Variants in ARFGAP3 observed in about 807,000 individuals in gnomAD.
The protein encoded by ARFGAP3 is ARF GTPase activating protein 3.
A neutral mutation model predicts 75.0 loss-of-function variants in ARFGAP3; 72 were observed. That is an observed-to-expected ratio of 0.96 (90% CI 0.79 to 1.17). The LOEUF is 1.17. ARFGAP3 is among the 50% of genes most tolerant of loss of function. ARFGAP3 has a pLI of 0.00. For synonymous variants in ARFGAP3, 221 were observed against 217.9 expected, an observed-to-expected ratio of 1.01 and a Z score of -0.13; for missense variants, 620 against 626.6, an observed-to-expected ratio of 0.99 and a Z score of 0.11.
intron 1 of ARFGAP3, among the ~76,000 whole-genome samples, chr22:42,852,953 G>A (rs897587496): frequency 4.0e-5 from 6 of 151,896 alleles, no homozygotes; most frequent in African/African-American, 1.5e-4. Flanking sequence ...TTGTAGAGAC[G>A]GGGCTTCATC....
rs1341788913 is a variant in ARFGAP3 at position 42,797,624 on chromosome 22, T to C, written c.1534-19A>G. ...AGCGATCCTGAAGAGAGAACCAAAA[T>C]GGAAGTTCACGACCATTCAGCAGCG... On this transcript the variant is annotated intron_variant, in intron 15 of 15. Coordinates refer to ENST00000263245, the MANE Select transcript of ARFGAP3 (RefSeq NM_014570.5). 1.2e-6 allele frequency: 2 copies of C among 1,613,854 alleles called. No individual in the cohort carries two copies. Among genetic ancestry groups the C allele is most frequent in the African/African-American group, 2.7e-5 (2 of 74,890 alleles).
intron 12 of ARFGAP3, among the ~76,000 whole-genome samples, chr22:42,810,006 A>G (rs1228013468): frequency 5.1e-4 from 14 of 27,698 alleles, no homozygotes; most frequent in African/African-American, 4.1e-3. Context: ...TCCATCTTAA[A>G]AAAAAAAAAA....
intron 6 of ARFGAP3, among the ~76,000 whole-genome samples, chr22:42,831,310 A>T (rs1926275801): frequency 6.7e-6 from 1 of 149,378 alleles, no homozygotes; most frequent in South Asian, 2.1e-4. Context: ...AAAAGACAGA[A>T]GGGTCTACAT....
intron 13 of ARFGAP3, among the ~76,000 whole-genome samples, chr22:42,807,559 A>G (rs1925182770): frequency 6.6e-6 from 1 of 152,236 alleles, no homozygotes; most frequent in Non-Finnish European, 1.5e-5. Flanking sequence ...AGCAAGGCAG[A>G]TTTTATGGAC....
intron 7 of ARFGAP3, among the ~76,000 whole-genome samples, chr22:42,826,153 T>C (rs543683317): frequency 6.6e-6 from 1 of 152,316 alleles, no homozygotes; most frequent in African/African-American, 2.4e-5. Flanking sequence ...GCTTTCCAAC[T>C]AATGCAATGG....
chr22:42,816,879 T>C (rs1009124817), intron 11 of ARFGAP3, among the ~76,000 whole-genome samples: 1 of 152,204 alleles, frequency 6.6e-6, no homozygotes, highest in Non-Finnish European at 1.5e-5. Flanking sequence ...TTTCATAATT[T>C]AAATAAGCAC....
chr22:42,854,535 G>A (rs1927416162), intron 1 of ARFGAP3, among the ~76,000 whole-genome samples: 1 of 152,040 alleles, frequency 6.6e-6, no homozygotes, highest in Non-Finnish European at 1.5e-5. Context: ...TGATGCAAGA[G>A]AATCGCTTGA....
chr22:42,835,313 T>A, intron 4 of ARFGAP3, 49 bp downstream of exon 4: 1 of 1,582,854 alleles, frequency 6.3e-7, no homozygotes, highest in East Asian at 2.3e-5. Flanking sequence ...ACTTTTTCTA[T>A]GAAGTGAACA....
At chr22:42,827,175 A>AT (rs1926078893) in intron 6 of ARFGAP3, 176 bp from the exon 7 acceptor site, 3 of 770,730 alleles carry the variant, frequency 3.9e-6, no homozygotes, top group South Asian at 1.2e-4. Context: ...TTAAAAGTCC[A>AT]TTAAAGTAGA....
chr22:42,825,585 GA>G (rs1926002080), intron 7 of ARFGAP3, among the ~76,000 whole-genome samples: 1 of 151,254 alleles, frequency 6.6e-6, no homozygotes, highest in Non-Finnish European at 1.5e-5. Context: ...TGAGGCACGA[GA>G]ATCGCTTGAA....
intron 7 of ARFGAP3, 144 bp downstream of exon 7, chr22:42,826,796 T>C (rs1159702925): frequency 5.3e-6 from 3 of 563,906 alleles, no homozygotes; most frequent in African/African-American, 3.8e-5. Context: ...TAGTATCTTT[T>C]GTTTAATAAA....
At chr22:42,803,197 G>T (rs748730911) in intron 14 of ARFGAP3, among the ~76,000 whole-genome samples, 2 of 152,028 alleles carry the variant, frequency 1.3e-5, no homozygotes, top group Non-Finnish European at 2.9e-5. Flanking sequence ...AGAGATGGGG[G>T]TCCCACTATG....
chr22:42,847,779 G>GT (rs1927085005), intron 1 of ARFGAP3, 147 bp from the exon 2 acceptor site: 11 of 902,520 alleles, frequency 1.2e-5, no homozygotes. Flanking sequence ...TCTCACCTAG[G>GT]TTTTTTTAAA....
At chr22:42,841,468 CAG>C (rs979779173) in intron 2 of ARFGAP3, among the ~76,000 whole-genome samples, 4 of 152,176 alleles carry the variant, frequency 2.6e-5, no homozygotes, top group Non-Finnish European at 5.9e-5. Context: ...TCACGACCAG[CAG>C]AGAGAGGAAA....
At chr22:42,797,707 T>C (rs1224512507) in intron 15 of ARFGAP3, 102 bp from the exon 16 acceptor site, 34 of 1,610,696 alleles carry the variant, frequency 2.1e-5, no homozygotes, top group Non-Finnish European at 2.7e-5. Flanking sequence ...CTGCAGCCCA[T>C]GTCAGGCATG....
Position 42,826,549 on chromosome 22 carries a change from TTTG to T in ARFGAP3, c.625+388_625+390del, listed in dbSNP as rs552674646. On this transcript the variant is annotated intron_variant, in intron 7 of 15. Transcript: ENST00000263245. Reference sequence around the variant, plus strand: ...TGTGTGCCACCACACTCAGGTAATTTTTGTTGTTGTTGTTGTTGTTGTTGTTGT... The same window carrying T: ...TGTGTGCCACCACACTCAGGTAATTTTTGTTGTTGTTGTTGTTGTTGTTGT... 9.6e-3 allele frequency among the ~76,000 whole-genome samples: 1,457 copies of T among 151,388 alleles called. 52 individuals are homozygous for T. The highest frequency in any genetic ancestry group is 0.079 in the Admixed American group (1,203 of 15,134).
intron 5 of ARFGAP3, 152 bp from the exon 6 acceptor site, chr22:42,831,788 TC>T: frequency 7.0e-7 from 1 of 1,426,308 alleles, no homozygotes; most frequent in Non-Finnish European, 9.2e-7. Flanking sequence ...TTTCTTGCTT[TC>T]TTTTTTTTTT....
At chr22:42,809,020 G>T in intron 12 of ARFGAP3, 130 bp from the exon 13 acceptor site, 1 of 1,113,516 alleles carries the variant, frequency 9.0e-7, no homozygotes, top group Non-Finnish European at 1.2e-6. Flanking sequence ...GTTTTTAAAA[G>T]CCTGAAAATT....
intron 15 of ARFGAP3, chr22:42,797,821 C>T (rs1460460335): frequency 1.2e-6 from 1 of 835,166 alleles, no homozygotes; most frequent in African/African-American, 1.9e-5. Flanking sequence ...ACAGGATTCA[C>T]ATCCTGCCTC....
Sources: gnomAD v4.1 joint callset for allele counts (sites outside exome capture counted in the v4.1 genomes callset) on GRCh38, gnomAD v4.1.1 for gene constraint, MANE v1.5 for transcripts, NCBI Gene and HGNC (gene_info 2026-07-23, HGNC 2026-07-21) for gene names.